Variants in SLC4A10 observed in about 807,000 individuals in gnomAD.
SLC4A10 encodes the protein solute carrier family 4 member 10, also known as sodium-driven chloride bicarbonate exchanger.
Under a neutral mutation model 137.7 loss-of-function variants are expected in SLC4A10, and 42 were observed. The ratio of observed to expected loss-of-function variants is 0.30; its 90% CI spans 0.24 to 0.39. SLC4A10 has a LOEUF of 0.39. Ranked by LOEUF, SLC4A10 falls within the 10% of genes least tolerant of loss-of-function variation. The probability of loss-of-function intolerance (pLI) is 1.00; values close to 1 mark genes in which losing one functional copy is unlikely to be tolerated. For synonymous variants in SLC4A10, 474 were observed against 464.1 expected, an observed-to-expected ratio of 1.02 and a Z score of -0.27; for missense variants, 925 against 1,355.0, an observed-to-expected ratio of 0.68 and a Z score of 4.98.
At chr2:161,980,437 T>G (rs1700058314) in intron 26 of SLC4A10, among the ~76,000 whole-genome samples, 1 of 152,152 alleles carries the variant, frequency 6.6e-6, no homozygotes, top group African/African-American at 2.4e-5. Context: ...TCACTTGAGC[T>G]CGGGAGCTCA....
At chr2:161,643,300 G>C (rs1247082963) in intron 1 of SLC4A10, among the ~76,000 whole-genome samples, 1 of 152,010 alleles carries the variant, frequency 6.6e-6, no homozygotes, top group Non-Finnish European at 1.5e-5. Context: ...ACTTTTTATT[G>C]CTGCAGTTTG....
At chr2:161,806,977 G>A (rs1224119820) in intron 3 of SLC4A10, among the ~76,000 whole-genome samples, 1 of 152,116 alleles carries the variant, frequency 6.6e-6, no homozygotes, top group Non-Finnish European at 1.5e-5. Context: ...GGTTTAATTG[G>A]ACTTACAGTT....
chr2:161,801,863 T>A (rs562986570), intron 2 of SLC4A10, among the ~76,000 whole-genome samples: 1 of 152,144 alleles, frequency 6.6e-6, no homozygotes, highest in Non-Finnish European at 1.5e-5. Flanking sequence ...TTTTAAAGGT[T>A]GCATAAATAT....
chr2:161,687,639 C>T (rs1320042328), intron 1 of SLC4A10, among the ~76,000 whole-genome samples: 2 of 152,116 alleles, frequency 1.3e-5, no homozygotes, highest in Non-Finnish European at 2.9e-5. Flanking sequence ...TATCGTTTGG[C>T]ACTGTGTCCC....
chr2:161,846,606 A>C (rs555003067), intron 4 of SLC4A10, among the ~76,000 whole-genome samples: 1 of 152,316 alleles, frequency 6.6e-6, no homozygotes, highest in African/African-American at 2.4e-5. Context: ...AAACAAACTG[A>C]TACATCCATC....
At chr2:161,904,265 C>A (rs1487773800) in intron 13 of SLC4A10, 87 bp downstream of exon 13, 4 of 1,378,406 alleles carry the variant, frequency 2.9e-6, no homozygotes, top group East Asian at 2.5e-5. Context: ...ATTTTGGATT[C>A]TTTTCTGAGG....
intron 1 of SLC4A10, among the ~76,000 whole-genome samples, chr2:161,742,322 T>C (rs1240511653): frequency 6.6e-6 from 1 of 152,148 alleles, no homozygotes; most frequent in East Asian, 1.9e-4. Flanking sequence ...ATTTCCTTTC[T>C]TTTGGGTTTA....
rs755213241 is a variant in SLC4A10, at chr2:161,964,326, A to G, written c.3036+18A>G. 4 of 1,611,920 alleles carry G rather than the reference A, an allele frequency of 2.5e-6. No homozygotes were observed. Among genetic ancestry groups the G allele is most frequent in the South Asian group, 1.1e-5 (1 of 90,788 alleles). ...CCATGATGGTATGAAACTTCTGTCA[A>G]CTATTTTTCTCTTTCTCTGATTTGC... On this transcript the variant is annotated intron_variant, in intron 22 of 26. Coordinates refer to ENST00000446997, the MANE Select transcript of SLC4A10 (RefSeq NM_001178015.2).
intron 1 of SLC4A10, among the ~76,000 whole-genome samples, chr2:161,669,221 C>T (rs2039423801): frequency 6.6e-6 from 1 of 151,862 alleles, no homozygotes; most frequent in African/African-American, 2.4e-5. Flanking sequence ...AATTCAATGT[C>T]TTTCCTACCA....
At chr2:161,872,215 T>C in intron 6 of SLC4A10, 78 bp from the exon 7 acceptor site, 1 of 995,472 alleles carries the variant, frequency 1.0e-6, no homozygotes, top group Non-Finnish European at 1.5e-6. Context: ...TCTAGTTTAA[T>C]TGAAGTGCCT....
intron 4 of SLC4A10, 51 bp from the exon 5 acceptor site, chr2:161,854,919 C>A: frequency 6.7e-7 from 1 of 1,491,066 alleles, no homozygotes. Flanking sequence ...TATAAAGGAT[C>A]ATTAACCTAC....
Position 161,682,591 on chromosome 2 carries a change from C to G in SLC4A10, c.48+58025C>G, listed in dbSNP as rs151104294. On this transcript the variant is annotated intron_variant, in intron 1 of 26. Coordinates refer to ENST00000446997, the MANE Select transcript of SLC4A10 (RefSeq NM_001178015.2). ...ACACCACCCTAAAAGTAATGGCTTACAATCATTTTATTTGCTTATAATTTT... is the reference window on the plus strand; with the variant it reads ...ACACCACCCTAAAAGTAATGGCTTAGAATCATTTTATTTGCTTATAATTTT... Among the ~76,000 whole-genome samples, 98 of 152,024 alleles carry G rather than the reference C, an allele frequency of 6.4e-4. 1 individual carries two copies. The highest frequency in any genetic ancestry group is 2.3e-3 in the African/African-American group (95 of 41,490).
intron 10 of SLC4A10, among the ~76,000 whole-genome samples, chr2:161,886,799 T>G (rs2062349451): frequency 6.6e-6 from 1 of 152,046 alleles, no homozygotes; most frequent in Non-Finnish European, 1.5e-5. Context: ...TTTGTTTGAT[T>G]TTTTTTGTAT....
intron 3 of SLC4A10, among the ~76,000 whole-genome samples, chr2:161,815,415 T>C (rs952908554): frequency 6.6e-6 from 1 of 152,124 alleles, no homozygotes; most frequent in Admixed American, 6.6e-5. Flanking sequence ...TGCCTACTTC[T>C]CCTTCCGCCA....
At chr2:161,828,624 T>A (rs1338845576) in intron 3 of SLC4A10, among the ~76,000 whole-genome samples, 1 of 147,142 alleles carries the variant, frequency 6.8e-6, no homozygotes, top group Non-Finnish European at 1.5e-5. Flanking sequence ...TCCCTAGTAT[T>A]GGAATTTTTG....
intron 2 of SLC4A10, among the ~76,000 whole-genome samples, chr2:161,802,244 C>T (rs2055447386): frequency 6.6e-6 from 1 of 151,964 alleles, no homozygotes; most frequent in Non-Finnish European, 1.5e-5. Flanking sequence ...GATTTACATC[C>T]GTTCTTAAAA....
chr2:161,796,610 C>A (rs561884351), intron 2 of SLC4A10, among the ~76,000 whole-genome samples: 1 of 152,286 alleles, frequency 6.6e-6, no homozygotes, highest in Non-Finnish European at 1.5e-5. Context: ...CTTGTTGGAA[C>A]AAGCTGCTAA....
intron 1 of SLC4A10, among the ~76,000 whole-genome samples, chr2:161,695,855 T>G (rs1347777345): frequency 6.6e-6 from 1 of 152,202 alleles, no homozygotes; most frequent in African/African-American, 2.4e-5. Context: ...AACAAATGTT[T>G]AGTGATAGCA....
chr2:161,950,298 C>T (rs1694574835), intron 18 of SLC4A10, among the ~76,000 whole-genome samples: 1 of 151,966 alleles, frequency 6.6e-6, no homozygotes, highest in South Asian at 2.1e-4. Context: ...AATACATTTT[C>T]CAATAGTAAA....
Sources: allele counts gnomAD v4.1 joint callset (sites outside exome capture counted in the v4.1 genomes callset), GRCh38; gene constraint gnomAD v4.1.1; transcripts MANE v1.5; gene names NCBI Gene and HGNC (gene_info 2026-07-23, HGNC 2026-07-21).